The following ADGRD1 variants were observed in gnomAD, a reference collection of about 807,000 sequenced individuals.
The protein encoded by ADGRD1 is adhesion G protein-coupled receptor D1, also known as G-protein coupled receptor 133.
A neutral mutation model predicts 113.4 loss-of-function variants in ADGRD1; 77 were observed. The ratio of observed to expected loss-of-function variants is 0.68; its 90% CI spans 0.57 to 0.82. The LOEUF (loss-of-function observed/expected upper bound fraction) is 0.82, where lower values mean the gene tolerates loss of function less well. ADGRD1 is among the 40% of genes least tolerant of loss of function. The pLI is 0.00. For synonymous variants in ADGRD1, 474 were observed against 475.0 expected (o/e 1.00, Z 0.03); for missense variants, 1,036 against 1,139.1 (o/e 0.91, Z 1.30).
intron 3 of ADGRD1, chr12:130,969,404 C>T (rs192605945): frequency 5.0e-4 from 128 of 254,752 alleles, no homozygotes; most frequent in African/African-American, 2.4e-3. Context: ...TGCTCCCTAT[C>T]GCTCACATTA....
At chr12:131,074,392 A>C (rs1332644085) in intron 13 of ADGRD1, among the ~76,000 whole-genome samples, 1 of 152,172 alleles carries the variant, frequency 6.6e-6, no homozygotes, top group African/African-American at 2.4e-5. Flanking sequence ...TTTCAGGAGG[A>C]CGCTCAGGTG....
At chr12:131,053,580 T>A (rs1291660646) in intron 13 of ADGRD1, among the ~76,000 whole-genome samples, 2 of 152,092 alleles carry the variant, frequency 1.3e-5, no homozygotes, top group African/African-American at 4.8e-5. Context: ...TTTTAAGAAT[T>A]TTAGACTTTC....
Position 130,991,088 on chromosome 12 carries a change from C to G in ADGRD1, c.810+10C>G, listed in dbSNP as rs1555239903. ...CACAGCAAGCCCCGTGGTGAGCAGA[C>G]ACATCTTCCTTGGTCCCCCTTGCTG... On this transcript the variant is annotated intron_variant, in intron 7 of 24. Transcript: ENST00000261654. 12 of 1,611,680 alleles carry G rather than the reference C, an allele frequency of 7.4e-6. No homozygotes were observed. The Admixed American group carries it at 2.0e-4, about 27-fold the overall frequency.
chr12:131,134,461 A>T (rs1178861856), intron 21 of ADGRD1, among the ~76,000 whole-genome samples: 2 of 152,226 alleles, frequency 1.3e-5, no homozygotes, highest in Non-Finnish European at 1.5e-5. Context: ...TAAAAGTAGC[A>T]CATTTTGGTA....
At position 131,136,056 on chromosome 12, in the gene ADGRD1, G is replaced by T. The variant is rs1473005370; in HGVS notation, c.2287G>T (p.Ala763Ser). ...CTCCAGGTTGACAGCCAAGGCAGTG[G>T]CCGTGCTGCTGCCCATCCTGGGTAC... is the stretch of plus-strand genomic sequence containing the variant. ...SAFKLTAKAV[A>S]VLLPILGTSW... The change falls in exon 22 of 25, where the codon GCC becomes TCC. Residue 763 changes from alanine (A) to serine (S), a missense_variant. Coordinates refer to ENST00000261654, the MANE Select transcript of ADGRD1 (RefSeq NM_198827.5). 1 of 1,614,050 alleles carries T rather than the reference G, an allele frequency of 6.2e-7. No homozygotes were observed. The highest frequency in any genetic ancestry group is 1.3e-5 in the African/African-American group (1 of 74,952).
chr12:131,089,296 C>A (rs1886736888), intron 15 of ADGRD1, among the ~76,000 whole-genome samples: 1 of 152,184 alleles, frequency 6.6e-6, no homozygotes. Context: ...GGAGCCCGAA[C>A]CAAGGGCCAG....
intron 9 of ADGRD1, chr12:131,002,975 A>T: frequency 1.4e-6 from 1 of 716,892 alleles, no homozygotes; most frequent in East Asian, 2.6e-5. Context: ...TGATGGGTCC[A>T]CCTGGGCTGT....
chr12:131,077,074 G>A (rs111423219), intron 14 of ADGRD1, among the ~76,000 whole-genome samples, 200 bp downstream of exon 14: 4 of 152,222 alleles, frequency 2.6e-5, no homozygotes, highest in South Asian at 2.1e-4. Flanking sequence ...GACCATGCGA[G>A]GAGGGGCCTG....
rs1295150997 is a variant in ADGRD1 at position 131,000,400 on chromosome 12, G to A, written c.984G>A (p.Val328=). The A allele has an allele frequency of 6.2e-7, 1 of 1,613,186 alleles. No homozygotes were observed. Residue 328 remains valine, a synonymous_variant, in exon 9 of 25, where the codon GTG becomes GTA. Transcript: ENST00000261654. The stretch of plus-strand genomic sequence containing the variant: ...ACCTTTAGACCTTCTTAAAAGCCGT[G>A]GGAGAGATCCTTCTACTGCCTGGTT... ...LNLTKTFLKA[V]GEILLLPGWI...
intron 8 of ADGRD1, among the ~76,000 whole-genome samples, chr12:130,992,830 C>T (rs1437936977): frequency 6.6e-6 from 1 of 152,060 alleles, no homozygotes; most frequent in Non-Finnish European, 1.5e-5. Context: ...GAGAATGCAA[C>T]ATTTATGGCA....
In ADGRD1 at chr12:131,057,337, G is replaced by A. The variant is rs1883960216; in HGVS notation, c.1474-19464G>A. Among the ~76,000 whole-genome samples the A allele has an allele frequency of 6.6e-6, 1 of 152,170 alleles. No homozygotes were observed. Among genetic ancestry groups the A allele is most frequent in the Non-Finnish European group, 1.5e-5 (1 of 68,028 alleles). Reference sequence around the variant, plus strand: ...GCGGACCAGAGAATGCTTGGAAGGGGAACGGTGGAGAAAAGGGGCCAGATG... The same window carrying A: ...GCGGACCAGAGAATGCTTGGAAGGGAAACGGTGGAGAAAAGGGGCCAGATG... On this transcript the variant is annotated intron_variant, in intron 13 of 24. Transcript: ENST00000261654. This position sits in a 1 kb window ranked among gnomAD's most constrained non-coding sequence, Gnocchi z 4.2.
chr12:131,043,221 G>C (rs1392316562), intron 13 of ADGRD1, among the ~76,000 whole-genome samples: 1 of 152,228 alleles, frequency 6.6e-6, no homozygotes, highest in African/African-American at 2.4e-5. Context: ...ATGGCCTCCT[G>C]TCCGGGTTCA....
chr12:131,108,005 G>A (rs1950270992), intron 17 of ADGRD1, among the ~76,000 whole-genome samples: 1 of 152,162 alleles, frequency 6.6e-6, no homozygotes, highest in South Asian at 2.1e-4. Context: ...CTCACAGGGA[G>A]CAGAGGAGTG....
intron 12 of ADGRD1, among the ~76,000 whole-genome samples, chr12:131,013,127 C>T (rs1300628191): frequency 1.3e-5 from 2 of 152,168 alleles, no homozygotes; most frequent in Non-Finnish European, 1.5e-5. Flanking sequence ...CCTCACCCTC[C>T]TCCTGGCCCT....
At chr12:131,028,096 A>G (rs1005691843) in intron 13 of ADGRD1, 6 of 152,224 alleles carry the variant, frequency 3.9e-5, no homozygotes, top group Non-Finnish European at 8.8e-5. Context: ...TCCCCTTGGC[A>G]GAGCGTGAGA....
rs1593336210 is a variant in ADGRD1, at chr12:131,003,281, G to A, written c.1123G>A (p.Glu375Lys). 6.2e-7 allele frequency: 1 copy of A among 1,613,486 alleles called. No homozygotes were observed. Among genetic ancestry groups the A allele is most frequent in the Admixed American group, 1.7e-5 (1 of 60,030 alleles). Residue 375 changes from glutamate to lysine, a missense_variant, in exon 10 of 25, where the codon GAG becomes AAG. Physicochemically the swap from Glu to Lys is moderately conservative, Grantham distance 56. Transcript: ENST00000261654. This position sits in a 1 kb window ranked among gnomAD's most constrained non-coding sequence, Gnocchi z 4.8. Reference sequence around the variant, plus strand: ...CGGCAGCACGCCCCAGGTCACCGTGGAGGGCTCCTCTGCCATGGCAGGTAG... The same window carrying A: ...CGGCAGCACGCCCCAGGTCACCGTGAAGGGCTCCTCTGCCATGGCAGGTAG... ...LHGSTPQVTVEGSSAMAEFSV... is the reference protein window; with the variant it reads ...LHGSTPQVTVKGSSAMAEFSV...
rs1421233232 is a variant in ADGRD1, at chr12:131,113,844, G to T, written c.2042-4541G>T. Among the ~76,000 whole-genome samples, 1 of 152,310 alleles carries T rather than the reference G, an allele frequency of 6.6e-6. No homozygotes were observed. The highest frequency in any genetic ancestry group is 2.1e-4 in the South Asian group (1 of 4,824). ...ACCTGCTTCTTCAGGCCTCTGTGAC[G>T]CCCCAGAGAGGAGAGCTGCTCCTTC... On this transcript the variant is annotated intron_variant, in intron 18 of 24. Coordinates refer to ENST00000261654, the MANE Select transcript of ADGRD1 (RefSeq NM_198827.5). This position sits in a 1 kb window ranked among gnomAD's most constrained non-coding sequence, Gnocchi z 4.9.
intron 13 of ADGRD1, among the ~76,000 whole-genome samples, chr12:131,032,443 G>T (rs555520306): frequency 6.6e-6 from 1 of 152,040 alleles, no homozygotes; most frequent in African/African-American, 2.4e-5. Flanking sequence ...CGATGCCTCC[G>T]CTGACACGTC....
At chr12:131,087,729 C>T (rs1041055555) in intron 15 of ADGRD1, among the ~76,000 whole-genome samples, 5 of 12,314 alleles carry the variant, frequency 4.1e-4, no homozygotes, top group Admixed American at 2.5e-3. Context: ...GTCCCCACGC[C>T]CCCCCCATGC....
Sources: allele counts gnomAD v4.1 joint callset (sites outside exome capture counted in the v4.1 genomes callset), GRCh38; gene constraint gnomAD v4.1.1; non-coding constraint Gnocchi (gnomAD v3.1); transcripts MANE v1.5; gene names NCBI Gene and HGNC (gene_info 2026-07-23, HGNC 2026-07-21).